Variants in SPATS2 observed in about 807,000 individuals in gnomAD.
SPATS2 encodes the protein spermatogenesis-associated serine-rich protein 2.
SPATS2 carries 38 observed loss-of-function variants against 63.7 expected under a neutral mutation model. The observed-to-expected ratio is 0.60, with a 90% CI of 0.46 to 0.78. The LOEUF is 0.78. Among genes scored for constraint, SPATS2 ranks in the 30% least tolerant of loss-of-function variants. SPATS2 has a pLI of 0.00. For missense variants in SPATS2, 588 were observed against 666.2 expected (o/e 0.88, Z 1.29); for synonymous variants, 207 against 232.9 (o/e 0.89, Z 1.01).
rs575545850 is a variant in SPATS2 at position 49,413,110 on chromosome 12, T to C, written c.-244+41820T>C. Among the ~76,000 whole-genome samples, 37 of 152,138 alleles carry C rather than the reference T, an allele frequency of 2.4e-4. 1 individual carries two copies. In the South Asian group the frequency reaches 5.4e-3, roughly 22 times the overall value. ...GTAAGGAACAAAACAACTCCAAACT[T>C]AGTGCATAAAACCCTCATGGTTTTG... is the stretch of plus-strand genomic sequence containing the variant. On this transcript the variant is annotated intron_variant, in intron 2 of 13. Transcript: ENST00000552918.
intron 3 of SPATS2, among the ~76,000 whole-genome samples, chr12:49,466,172 G>C (rs1338628201): frequency 6.6e-6 from 1 of 151,238 alleles, no homozygotes; most frequent in Admixed American, 6.6e-5. Flanking sequence ...TTGGGTTTTT[G>C]GGTTTTTTTG....
rs1160840804 is a variant in SPATS2, at chr12:49,516,191, ATATAT to A, written c.898+1579_898+1583del. Reference sequence around the variant, plus strand: ...AATATATATATATATATATATATATATATATATATATATATATAAATCAGGCATGG... The same window carrying A: ...AATATATATATATATATATATATATAATATATATATATAAATCAGGCATGG... On this transcript the variant is annotated intron_variant, in intron 10 of 13. Transcript: ENST00000552918. 1.9e-3 allele frequency among the ~76,000 whole-genome samples: 197 copies of A among 104,720 alleles called. 22 individuals are homozygous for A. Among genetic ancestry groups the A allele is most frequent in the African/African-American group, 3.9e-3 (110 of 28,452 alleles). 68.7% of individuals were successfully genotyped at this position (104,720 alleles called of 152,430 possible). A position where few individuals can be genotyped will look rare whatever the true frequency, so the allele number is the denominator to read the frequency against.
intron 8 of SPATS2, among the ~76,000 whole-genome samples, chr12:49,499,238 A>C (rs1241081334): frequency 6.6e-6 from 1 of 152,178 alleles, no homozygotes; most frequent in Admixed American, 6.5e-5. Flanking sequence ...GTGGGACTAG[A>C]GCAGCCTTTA....
At chr12:49,404,125 A>G (rs1944655038) in intron 2 of SPATS2, among the ~76,000 whole-genome samples, 1 of 152,188 alleles carries the variant, frequency 6.6e-6, no homozygotes, top group East Asian at 1.9e-4. Flanking sequence ...ACAATCTTGC[A>G]GGGAAGACAA....
At chr12:49,463,914 G>A (rs1945864462) in intron 3 of SPATS2, among the ~76,000 whole-genome samples, 1 of 152,186 alleles carries the variant, frequency 6.6e-6, no homozygotes, top group Admixed American at 6.5e-5. Context: ...GTCAGTTTCA[G>A]TTAAAACTAT....
chr12:49,405,901 T>G (rs1039739390), intron 2 of SPATS2, among the ~76,000 whole-genome samples: 6 of 152,244 alleles, frequency 3.9e-5, no homozygotes, highest in African/African-American at 1.2e-4. Flanking sequence ...TTTACTCTTT[T>G]GCATACAGTT....
chr12:49,400,969 C>T (rs1005659664), intron 2 of SPATS2, among the ~76,000 whole-genome samples: 8 of 152,146 alleles, frequency 5.3e-5, no homozygotes, highest in Non-Finnish European at 1.0e-4. Flanking sequence ...ACCTCCCAGG[C>T]TCAAGTGATT....
intron 3 of SPATS2, among the ~76,000 whole-genome samples, chr12:49,471,376 T>G (rs1946031321): frequency 6.6e-6 from 1 of 152,234 alleles, no homozygotes; most frequent in Non-Finnish European, 1.5e-5. Context: ...CCTTGCTCCA[T>G]CAACCAGGCT....
chr12:49,502,073 AT>A (rs1164486541), intron 9 of SPATS2, among the ~76,000 whole-genome samples: 7 of 152,162 alleles, frequency 4.6e-5, no homozygotes, highest in Non-Finnish European at 8.8e-5. Flanking sequence ...CATTATACTT[AT>A]TTTTAGTAAC....
At chr12:49,407,004 T>C (rs1433477471) in intron 2 of SPATS2, among the ~76,000 whole-genome samples, 3 of 152,260 alleles carry the variant, frequency 2.0e-5, no homozygotes, top group African/African-American at 7.2e-5. Context: ...ACTTCATATG[T>C]GTCTCCACGC....
At chr12:49,417,812 T>C (rs1267801106) in intron 2 of SPATS2, among the ~76,000 whole-genome samples, 2 of 152,246 alleles carry the variant, frequency 1.3e-5, no homozygotes, top group African/African-American at 4.8e-5. Context: ...TTAACCTGTT[T>C]TATTTTTCTT....
intron 2 of SPATS2, among the ~76,000 whole-genome samples, chr12:49,388,366 T>C (rs1767957065): frequency 1.3e-5 from 2 of 151,858 alleles, no homozygotes; most frequent in Non-Finnish European, 2.9e-5. Context: ...CCCTACTTTT[T>C]TTTTTAAAAA....
chr12:49,472,936 G>C (rs555402781), intron 3 of SPATS2, among the ~76,000 whole-genome samples: 70 of 151,512 alleles, frequency 4.6e-4, no homozygotes, highest in African/African-American at 1.7e-3. Context: ...TGTAATCTCA[G>C]CTACTCAGGA....
chr12:49,425,014 C>T (rs1414792417), intron 2 of SPATS2, among the ~76,000 whole-genome samples: 3 of 152,132 alleles, frequency 2.0e-5, no homozygotes, highest in African/African-American at 4.8e-5. Context: ...AACAAATGTA[C>T]ATTTATTCAC....
At chr12:49,376,353 T>C (rs1944102501) in intron 2 of SPATS2, among the ~76,000 whole-genome samples, 2 of 152,032 alleles carry the variant, frequency 1.3e-5, no homozygotes, top group Non-Finnish European at 2.9e-5. Context: ...TCCGCCTGCC[T>C]CGGCCTCCCA....
intron 2 of SPATS2, among the ~76,000 whole-genome samples, chr12:49,423,552 A>G (rs920644616): frequency 6.6e-6 from 1 of 152,198 alleles, no homozygotes; most frequent in Non-Finnish European, 1.5e-5. Context: ...ATATACCATA[A>G]TTCTTCCATG....
intron 12 of SPATS2, 81 bp downstream of exon 12, chr12:49,522,934 T>C (rs1470280226): frequency 1.2e-4 from 141 of 1,194,710 alleles, no homozygotes; most frequent in Non-Finnish European, 2.5e-5. Flanking sequence ...TCACCACTGA[T>C]TCCTCATTAG....
intron 2 of SPATS2, among the ~76,000 whole-genome samples, chr12:49,419,999 G>A (rs1944952238): frequency 6.6e-6 from 1 of 152,166 alleles, no homozygotes; most frequent in Non-Finnish European, 1.5e-5. Context: ...ATGCATCAAG[G>A]AAAAGCAGCT....
At chr12:49,486,776 G>T (rs1262186232) in intron 4 of SPATS2, among the ~76,000 whole-genome samples, 1 of 143,264 alleles carries the variant, frequency 7.0e-6, no homozygotes, top group East Asian at 2.0e-4. Flanking sequence ...GCGAGACTCC[G>T]TCAAAAAAAA....
Sources: allele counts gnomAD v4.1 joint callset (sites outside exome capture counted in the v4.1 genomes callset), GRCh38; gene constraint gnomAD v4.1.1; transcripts MANE v1.5; gene names NCBI Gene and HGNC (gene_info 2026-07-23, HGNC 2026-07-21).